Variants in TRAPPC3L observed in about 807,000 individuals in gnomAD.
TRAPPC3L encodes trafficking protein particle complex subunit 3-like protein.
In TRAPPC3L, 23 loss-of-function variants were observed where a neutral mutation model predicts 23.7. That is an observed-to-expected ratio of 0.97 (90% CI 0.70 to 1.37). The LOEUF (loss-of-function observed/expected upper bound fraction) is 1.37, where lower values mean the gene tolerates loss of function less well. Ranked by LOEUF, TRAPPC3L falls within the 40% of genes most tolerant of loss-of-function variation. The pLI is 0.00. For synonymous variants in TRAPPC3L, 81 were observed against 77.9 expected, an observed-to-expected ratio of 1.04 and a Z score of -0.21; for missense variants, 212 against 216.8, an observed-to-expected ratio of 0.98 and a Z score of 0.14.
intron 1 of TRAPPC3L, chr6:116,543,797 C>T (rs763462944): frequency 4.1e-5 from 63 of 1,531,806 alleles, no homozygotes; most frequent in South Asian, 2.4e-4. Context: ...ACTTCTCAGG[C>T]GTCTGCACAA....
intron 3 of TRAPPC3L, chr6:116,515,523 T>A: frequency 7.0e-7 from 1 of 1,432,346 alleles, no homozygotes; most frequent in Non-Finnish European, 9.5e-7. Context: ...AATTTAGCTA[T>A]ACACTTCTCA....
At chr6:116,532,098 C>A (rs1287987218) in intron 3 of TRAPPC3L, among the ~76,000 whole-genome samples, 1 of 152,056 alleles carries the variant, frequency 6.6e-6, no homozygotes, top group African/African-American at 2.4e-5. Flanking sequence ...ATGAAAATTG[C>A]TTGAAATAAG....
chr6:116,504,092 C>T (rs768552411), intron 3 of TRAPPC3L, among the ~76,000 whole-genome samples: 3 of 152,116 alleles, frequency 2.0e-5, no homozygotes, highest in Non-Finnish European at 4.4e-5. Flanking sequence ...AATCCAGGAG[C>T]TGTTTTTTTG....
chr6:116,519,213 A>G (rs904511163), intron 3 of TRAPPC3L: 4 of 152,192 alleles, frequency 2.6e-5, no homozygotes. Context: ...ATGATTTATT[A>G]AAAGGAAATC....
At chr6:116,544,735 T>A (rs1773670097) in intron 1 of TRAPPC3L, among the ~76,000 whole-genome samples, 1 of 151,932 alleles carries the variant, frequency 6.6e-6, no homozygotes, top group Non-Finnish European at 1.5e-5. Context: ...CCAGAGGAGG[T>A]ATCTGCAGGC....
At chr6:116,511,866 C>T in intron 3 of TRAPPC3L, 1 of 1,614,070 alleles carries the variant, frequency 6.2e-7, no homozygotes, top group Non-Finnish European at 8.5e-7. Context: ...TTCCTCTTTG[C>T]TCCTGCCTGG....
intron 3 of TRAPPC3L, chr6:116,515,803 C>G: frequency 3.1e-6 from 5 of 1,613,872 alleles, no homozygotes; most frequent in Non-Finnish European, 4.2e-6. Flanking sequence ...TTTTTGAAAA[C>G]AAGAGGCCAG....
At chr6:116,497,207 G>T in intron 4 of TRAPPC3L, 134 bp from the exon 5 acceptor site, 1 of 1,106,948 alleles carries the variant, frequency 9.0e-7, no homozygotes, top group Non-Finnish European at 1.3e-6. Context: ...TGGATAAAGG[G>T]CCCTTTACTG....
chr6:116,529,518 G>A (rs1014634002), intron 3 of TRAPPC3L, among the ~76,000 whole-genome samples: 1 of 152,194 alleles, frequency 6.6e-6, no homozygotes, highest in East Asian at 1.9e-4. Flanking sequence ...GCACTGTGCT[G>A]CTCGAGGTAA....
intron 3 of TRAPPC3L, among the ~76,000 whole-genome samples, chr6:116,536,096 A>G (rs1547028): frequency 0.38 from 57,287 of 152,076 alleles, 12,430 homozygotes; most frequent in East Asian, 0.54. Flanking sequence ...TTCAAAATAA[A>G]TTAGTATGTC....
intron 3 of TRAPPC3L, chr6:116,516,179 G>C (rs1168208022): frequency 3.0e-6 from 2 of 672,290 alleles, no homozygotes; most frequent in South Asian, 8.0e-5. Context: ...TTGATGCTGA[G>C]GGGTGACAAA....
chr6:116,516,660 AATATATATATATATATAT>A (rs57050552), intron 3 of TRAPPC3L: 1,072 of 104,378 alleles, frequency 0.01, 31 homozygotes, highest in African/African-American at 0.042. Flanking sequence ...AGTAGTAACA[AATATATATATATATATAT>A]ATATATATAT....
At chr6:116,542,806 A>G (rs1009401420) in intron 2 of TRAPPC3L, among the ~76,000 whole-genome samples, 1 of 152,162 alleles carries the variant, frequency 6.6e-6, no homozygotes, top group Non-Finnish European at 1.5e-5. Flanking sequence ...CTATCTTAAA[A>G]TAAACTCTCC....
At chr6:116,536,041 T>TA (rs1773064252) in intron 3 of TRAPPC3L, among the ~76,000 whole-genome samples, 1 of 152,182 alleles carries the variant, frequency 6.6e-6, no homozygotes. Flanking sequence ...TCAATGCTAT[T>TA]AAAGTTTTTC....
chr6:116,511,979 C>A (rs1246477198), intron 3 of TRAPPC3L: 1 of 1,613,886 alleles, frequency 6.2e-7, no homozygotes, highest in Admixed American at 1.7e-5. Flanking sequence ...CCACAGCTGC[C>A]GTTTCTTCTA....
chr6:116,518,600 G>T (rs1268077054), intron 3 of TRAPPC3L: 1 of 152,158 alleles, frequency 6.6e-6, no homozygotes, highest in African/African-American at 2.4e-5. Flanking sequence ...CTGCCCTTAA[G>T]TGTCTTCTGA....
intron 2 of TRAPPC3L, among the ~76,000 whole-genome samples, chr6:116,541,459 A>G (rs1001254261): frequency 6.6e-6 from 1 of 152,202 alleles, no homozygotes; most frequent in African/African-American, 2.4e-5. Context: ...TTCAGAGGCA[A>G]TGATTACTCC....
At chr6:116,515,733 A>G (rs1452474869) in intron 3 of TRAPPC3L, 1 of 1,614,050 alleles carries the variant, frequency 6.2e-7, no homozygotes, top group Admixed American at 1.7e-5. Flanking sequence ...GAGAAGGAGC[A>G]GTTGGAAAAT....
chr6:116,495,832 G>A lies in TRAPPC3L; in HGVS notation c.*1122C>T, dbSNP rs915156811. On this transcript the variant is annotated 3_prime_UTR_variant, in exon 5 of 5. Coordinates refer to ENST00000368602, the MANE Select transcript of TRAPPC3L (RefSeq NM_001139444.3). The stretch of plus-strand genomic sequence containing the variant: ...ATGTGTATGTCTTCTTTTGAGAAAT[G>A]TCTATTCAGATCTTTTGCCCATCTT... 6.6e-6 allele frequency: 1 copy of A among 150,742 alleles called. No homozygotes were observed. The highest frequency in any genetic ancestry group is 1.5e-5 in the Non-Finnish European group (1 of 67,842). 9.3% of individuals were successfully genotyped at this position (150,742 alleles called of 1,614,324 possible).
Sources: allele counts gnomAD v4.1 joint callset (sites outside exome capture counted in the v4.1 genomes callset), GRCh38; gene constraint gnomAD v4.1.1; transcripts MANE v1.5; gene names NCBI Gene and HGNC (gene_info 2026-07-23, HGNC 2026-07-21).